The following ULK4 variants were observed in gnomAD, a reference collection of about 807,000 sequenced individuals.
ULK4 encodes inactive serine/threonine-protein kinase ULK4.
ULK4 carries 133 observed loss-of-function variants against 160.6 expected under a neutral mutation model. The observed-to-expected ratio is 0.83, with a 90% CI of 0.72 to 0.96. The LOEUF is 0.96. Among genes scored for constraint, ULK4 ranks in the 40% least tolerant of loss-of-function variants. ULK4 has a pLI of 0.00. For missense variants in ULK4, 1,580 were observed against 1,499.5 expected (o/e 1.05, Z -0.89); for synonymous variants, 534 against 539.8 (o/e 0.99, Z 0.15).
chr3:41,941,450 C>T (rs1345260535), intron 2 of ULK4, among the ~76,000 whole-genome samples: 1 of 150,328 alleles, frequency 6.7e-6, no homozygotes, highest in Admixed American at 6.7e-5. Context: ...AAATGAAACA[C>T]TCTGTGAACA....
chr3:41,834,466 C>G (rs1246039348), intron 18 of ULK4, among the ~76,000 whole-genome samples: 3 of 152,032 alleles, frequency 2.0e-5, no homozygotes, highest in Non-Finnish European at 4.4e-5. Context: ...TTTTTAAAAA[C>G]AGATGATTTG....
intron 32 of ULK4, among the ~76,000 whole-genome samples, chr3:41,560,805 G>A (rs933766650): frequency 4.6e-5 from 7 of 152,168 alleles, no homozygotes; most frequent in South Asian, 2.1e-4. Context: ...CATGTCATCC[G>A]CAAACAGGGA....
At chr3:41,907,462 A>G (rs1698612960) in intron 12 of ULK4, among the ~76,000 whole-genome samples, 1 of 149,354 alleles carries the variant, frequency 6.7e-6, no homozygotes, top group Non-Finnish European at 1.5e-5. Flanking sequence ...AAACCCAGCT[A>G]ATTTTTTTTT....
intron 35 of ULK4, among the ~76,000 whole-genome samples, chr3:41,346,545 G>C (rs1489644587): frequency 6.6e-6 from 1 of 152,186 alleles, no homozygotes; most frequent in Non-Finnish European, 1.5e-5. Flanking sequence ...TCAGACCGAG[G>C]CAGGTATGAG....
intron 27 of ULK4, among the ~76,000 whole-genome samples, chr3:41,702,092 T>C (rs1017125640): frequency 6.6e-5 from 10 of 152,302 alleles, no homozygotes; most frequent in East Asian, 3.8e-4. Context: ...GTACATGCTA[T>C]AGTTAGAAGT....
chr3:41,912,306 G>A (rs1698816460), intron 9 of ULK4, among the ~76,000 whole-genome samples: 1 of 145,738 alleles, frequency 6.9e-6, no homozygotes, highest in South Asian at 2.2e-4. Flanking sequence ...TCCTGCCTAG[G>A]TGACAGAGTG....
chr3:41,414,142 G>A (rs981372292), intron 34 of ULK4, among the ~76,000 whole-genome samples: 4 of 152,128 alleles, frequency 2.6e-5, no homozygotes, highest in Non-Finnish European at 4.4e-5. Flanking sequence ...CGGAAGTTGC[G>A]GTGAGCAGAG....
At chr3:41,830,346 A>G (rs1022429964) in intron 18 of ULK4, among the ~76,000 whole-genome samples, 3 of 152,078 alleles carry the variant, frequency 2.0e-5, no homozygotes, top group African/African-American at 7.2e-5. Context: ...CTACTTTTAG[A>G]TCTAGTAGGA....
chr3:41,718,489 C>T (rs2037345198), intron 22 of ULK4, among the ~76,000 whole-genome samples: 1 of 152,178 alleles, frequency 6.6e-6, no homozygotes, highest in African/African-American at 2.4e-5. Flanking sequence ...GTCTACTGGA[C>T]CATCACCTTA....
intron 19 of ULK4, 106 bp from the exon 20 acceptor site, chr3:41,800,399 T>C: frequency 1.8e-6 from 2 of 1,121,624 alleles, no homozygotes; most frequent in African/African-American, 1.6e-5. Context: ...GTAACATGCC[T>C]CTGGATGTGT....
chr3:41,867,749 T>C (rs919273771), intron 17 of ULK4, among the ~76,000 whole-genome samples: 1 of 152,266 alleles, frequency 6.6e-6, no homozygotes, highest in African/African-American at 2.4e-5. Flanking sequence ...TGCTCTAATC[T>C]GAGCATTTCA....
chr3:41,295,203 AGTTT>A (rs1366844831), intron 35 of ULK4, among the ~76,000 whole-genome samples: 13 of 75,794 alleles, frequency 1.7e-4, no homozygotes, highest in South Asian at 4.7e-4. Context: ...GAGCAAACAT[AGTTT>A]TTTCAAGAAA....
chr3:41,725,028 T>A (rs1274956106), intron 22 of ULK4, among the ~76,000 whole-genome samples: 2 of 152,234 alleles, frequency 1.3e-5, no homozygotes, highest in Non-Finnish European at 2.9e-5. Flanking sequence ...GTTGATTATA[T>A]ATGTTGATTA....
intron 21 of ULK4, among the ~76,000 whole-genome samples, chr3:41,785,529 T>G (rs1411431435): frequency 2.0e-5 from 3 of 152,206 alleles, no homozygotes; most frequent in Non-Finnish European, 4.4e-5. Flanking sequence ...GGAACTCTTT[T>G]GGAGACTGGG....
At chr3:41,438,111 A>AAAG (rs1280545020) in intron 34 of ULK4, among the ~76,000 whole-genome samples, 28 of 150,732 alleles carry the variant, frequency 1.9e-4, no homozygotes, top group African/African-American at 6.8e-4. Context: ...TTATTGTTAA[A>AAAG]AAAAAAAAAA....
At chr3:41,453,366 G>A (rs908376981) in intron 34 of ULK4, among the ~76,000 whole-genome samples, 20 of 151,732 alleles carry the variant, frequency 1.3e-4, no homozygotes, top group African/African-American at 3.4e-4. Flanking sequence ...TTGTAGAGAC[G>A]GAGTCCTGCT....
chr3:41,953,265 CACATATAT>C (rs1284752339), intron 2 of ULK4, among the ~76,000 whole-genome samples: 2 of 113,488 alleles, frequency 1.8e-5, no homozygotes, highest in African/African-American at 6.0e-5. Flanking sequence ...CATATATATA[CACATATAT>C]ACATATATAC....
intron 12 of ULK4, 60 bp downstream of exon 12, chr3:41,907,784 AC>A: frequency 9.3e-7 from 1 of 1,075,622 alleles, no homozygotes; most frequent in Non-Finnish European, 1.3e-6. Context: ...TTACCAACTT[AC>A]AATTATTCTT....
At chr3:41,285,066 C>T (rs2079431432) in intron 35 of ULK4, among the ~76,000 whole-genome samples, 1 of 152,084 alleles carries the variant, frequency 6.6e-6, no homozygotes, top group African/African-American at 2.4e-5. Flanking sequence ...GCAAGAATGG[C>T]CATAATCAAA....
Sources: gnomAD v4.1 joint callset for allele counts (sites outside exome capture counted in the v4.1 genomes callset) on GRCh38, gnomAD v4.1.1 for gene constraint, MANE v1.5 for transcripts, NCBI Gene and HGNC (gene_info 2026-07-23, HGNC 2026-07-21) for gene names.